Variants in EYS observed in about 807,000 individuals in gnomAD.
EYS encodes the protein protein eyes shut homolog.
A neutral mutation model predicts 282.1 loss-of-function variants in EYS; 250 were observed. The ratio of observed to expected loss-of-function variants is 0.89; its 90% confidence interval spans 0.80 to 0.98. The LOEUF (loss-of-function observed/expected upper bound fraction) is 0.98, where lower values mean the gene tolerates loss of function less well. EYS is among the 50% of genes least tolerant of loss of function. The pLI, the probability that EYS is intolerant of heterozygous loss-of-function variation, is 0.00. For missense variants in EYS, 4,016 were observed against 3,709.0 expected, an observed-to-expected ratio of 1.08 and a Z score of -2.15; for synonymous variants, 1,355 against 1,282.9, an observed-to-expected ratio of 1.06 and a Z score of -1.20.
At chr6:65,550,084 G>T (rs1327749048) in intron 2 of EYS, among the ~76,000 whole-genome samples, 1 of 147,520 alleles carries the variant, frequency 6.8e-6, no homozygotes, top group Non-Finnish European at 1.5e-5. Context: ...GAGCCCTTTT[G>T]TAGCTGAACC....
chr6:63,877,730 C>A (rs1021455230), intron 35 of EYS, among the ~76,000 whole-genome samples: 1 of 152,106 alleles, frequency 6.6e-6, no homozygotes, highest in Non-Finnish European at 1.5e-5. Context: ...GATCTTCAGT[C>A]GCTGTTACCC....
chr6:63,974,704 T>C (rs1239400398), intron 35 of EYS, among the ~76,000 whole-genome samples: 2 of 152,064 alleles, frequency 1.3e-5, no homozygotes, highest in African/African-American at 4.8e-5. Context: ...GCTTTTCAAA[T>C]TCGGTGTAAG....
intron 22 of EYS, among the ~76,000 whole-genome samples, chr6:64,706,589 T>C (rs1771025970): frequency 6.6e-6 from 1 of 152,070 alleles, no homozygotes; most frequent in Non-Finnish European, 1.5e-5. Flanking sequence ...ATTCAGACTC[T>C]ACAAGCAACT....
chr6:63,882,931 A>G (rs559730860), intron 35 of EYS, among the ~76,000 whole-genome samples: 14 of 152,358 alleles, frequency 9.2e-5, no homozygotes, highest in Admixed American at 3.3e-4. Context: ...AAAACTATAC[A>G]GAGGCTAGAT....
intron 33 of EYS, among the ~76,000 whole-genome samples, chr6:64,022,057 C>A (rs1181403501): frequency 2.0e-5 from 3 of 152,072 alleles, no homozygotes; most frequent in African/African-American, 7.2e-5. Context: ...TTTTCTGTTA[C>A]AGACACTGAT....
chr6:65,491,399 G>A (rs1462777287), intron 4 of EYS: 7 of 310,602 alleles, frequency 2.3e-5, no homozygotes, highest in Admixed American at 8.1e-5. Flanking sequence ...GGCATAGCAA[G>A]TGGACAAATG....
chr6:64,371,377 T>A (rs147559035), intron 29 of EYS, among the ~76,000 whole-genome samples: 1 of 151,388 alleles, frequency 6.6e-6, no homozygotes, highest in Non-Finnish European at 1.5e-5. Context: ...TCTGAGAGCA[T>A]GGTTGGAACA....
chr6:64,547,627 A>T (rs1340246572), intron 26 of EYS, among the ~76,000 whole-genome samples: 1 of 152,218 alleles, frequency 6.6e-6, no homozygotes, highest in East Asian at 1.9e-4. Flanking sequence ...AGGTTCTCCA[A>T]GTTGCCACCA....
chr6:64,289,233 T>C (rs1768612660), intron 30 of EYS, among the ~76,000 whole-genome samples: 1 of 152,088 alleles, frequency 6.6e-6, no homozygotes, highest in South Asian at 2.1e-4. Context: ...TGCTTTCCTC[T>C]TTCCTCTTCT....
chr6:65,463,841 G>A (rs2150411334), intron 5 of EYS, among the ~76,000 whole-genome samples: 1 of 152,146 alleles, frequency 6.6e-6, no homozygotes, highest in Non-Finnish European at 1.5e-5. Flanking sequence ...GGAGTTATTT[G>A]TATTCTATTG....
At chr6:65,227,910 T>C (rs1415260634) in intron 12 of EYS, among the ~76,000 whole-genome samples, 1 of 151,980 alleles carries the variant, frequency 6.6e-6, no homozygotes, top group African/African-American at 2.4e-5. Context: ...CCAGAGGCTG[T>C]GGGAAGGGGG....
chr6:64,572,118 A>C (rs1053114025), intron 26 of EYS, among the ~76,000 whole-genome samples: 3 of 152,184 alleles, frequency 2.0e-5, no homozygotes, highest in African/African-American at 7.2e-5. Flanking sequence ...AGGCTGGTTC[A>C]ACATATGCAA....
chr6:65,135,566 T>C (rs1247836678), intron 12 of EYS, among the ~76,000 whole-genome samples: 2 of 152,004 alleles, frequency 1.3e-5, no homozygotes, highest in Non-Finnish European at 2.9e-5. Context: ...GATTAAAAAA[T>C]TATTTATAGA....
chr6:64,284,602 T>A (rs990015553), intron 30 of EYS, among the ~76,000 whole-genome samples: 21 of 152,112 alleles, frequency 1.4e-4, no homozygotes, highest in Admixed American at 1.4e-3. Flanking sequence ...ACCCCACATT[T>A]CCCTTCTTCA....
In EYS at chr6:63,988,841, GT is replaced by G. The variant is rs1368459395; in HGVS notation, c.6835-4239del. The stretch of plus-strand genomic sequence containing the variant: ...AAACGAACACTCCTTTTCCTTTAGA[GT>G]TTCTCTTTAAAGGAAGAATATAGTT... On this transcript the variant is annotated intron_variant, in intron 34 of 42. Transcript: ENST00000503581. 2.0e-5 allele frequency among the ~76,000 whole-genome samples: 3 copies of G among 151,714 alleles called. No individual in the cohort carries two copies. In the East Asian group the frequency reaches 5.8e-4, roughly 30 times the overall value.
chr6:64,196,197 C>A (rs1011504829), intron 31 of EYS, among the ~76,000 whole-genome samples: 12 of 152,230 alleles, frequency 7.9e-5, no homozygotes, highest in Non-Finnish European at 1.2e-4. Context: ...CAATGAGACA[C>A]CATCTCACAC....
chr6:64,155,025 CTTT>C (rs2150297117), intron 31 of EYS, among the ~76,000 whole-genome samples: 1 of 152,250 alleles, frequency 6.6e-6, no homozygotes, highest in South Asian at 2.1e-4. Flanking sequence ...GTTTGGTGTG[CTTT>C]CTAAAGGGCT....
chr6:64,248,898 A>C (rs1290955269), intron 30 of EYS, among the ~76,000 whole-genome samples: 1 of 151,886 alleles, frequency 6.6e-6, no homozygotes, highest in Non-Finnish European at 1.5e-5. Flanking sequence ...TCTACTAAAA[A>C]TACAAAAATT....
intron 22 of EYS, among the ~76,000 whole-genome samples, chr6:64,656,180 A>C (rs1206170191): frequency 2.5e-5 from 3 of 121,212 alleles, no homozygotes; most frequent in Non-Finnish European, 5.2e-5. Context: ...AGAGAGAAAA[A>C]TTAGTATCAC....
Sources: allele counts gnomAD v4.1 joint callset (sites outside exome capture counted in the v4.1 genomes callset), GRCh38; gene constraint gnomAD v4.1.1; transcripts MANE v1.5; gene names NCBI Gene and HGNC (gene_info 2026-07-23, HGNC 2026-07-21).